DAB1: variants seen among roughly 807,000 people sequenced by gnomAD.
DAB1 encodes DAB adaptor protein 1.
In DAB1, 15 loss-of-function variants were observed where a neutral mutation model predicts 64.6. That is an observed-to-expected ratio of 0.23 (90% CI 0.16 to 0.36). The LOEUF (loss-of-function observed/expected upper bound fraction) is 0.36, where lower values mean the gene tolerates loss of function less well. Ranked by LOEUF, DAB1 falls within the 10% of genes least tolerant of loss-of-function variation. The probability of loss-of-function intolerance (pLI) is 1.00; values close to 1 mark genes in which losing one functional copy is unlikely to be tolerated. For synonymous variants in DAB1, 235 were observed against 251.9 expected (o/e 0.93, Z 0.64); for missense variants, 596 against 706.7 (o/e 0.84, Z 1.78).
intron 5 of DAB1, among the ~76,000 whole-genome samples, chr1:58,117,311 T>G (rs1337445055): frequency 6.6e-6 from 1 of 152,236 alleles, no homozygotes; most frequent in Non-Finnish European, 1.5e-5. Flanking sequence ...CATTTGTTCT[T>G]CAGGACAATA....
chr1:57,801,737 A>G (rs1651134316), intron 6 of DAB1, among the ~76,000 whole-genome samples: 1 of 152,006 alleles, frequency 6.6e-6, no homozygotes, highest in Non-Finnish European at 1.5e-5. Flanking sequence ...AGCTCACTGC[A>G]GCCTCGACTT....
At chr1:57,774,780 T>C (rs1228737786) in intron 6 of DAB1, among the ~76,000 whole-genome samples, 1 of 151,790 alleles carries the variant, frequency 6.6e-6, no homozygotes, top group Non-Finnish European at 1.5e-5. Context: ...GTATTGCTCT[T>C]TTTGTTTATT....
chr1:57,090,191 T>A (rs1189113629), intron 4 of DAB1, among the ~76,000 whole-genome samples: 1 of 152,200 alleles, frequency 6.6e-6, no homozygotes, highest in African/African-American at 2.4e-5. Context: ...CAAAGAGATG[T>A]GCTAAAAATA....
chr1:57,916,943 CAA>C (rs144859309), intron 5 of DAB1, among the ~76,000 whole-genome samples: 159 of 135,626 alleles, frequency 1.2e-3, no homozygotes, highest in Non-Finnish European at 1.5e-3. Flanking sequence ...AACTCTGTCT[CAA>C]AAAAAAAAAA....
At chr1:58,227,019 A>G (rs1349765967) in intron 4 of DAB1, among the ~76,000 whole-genome samples, 1 of 152,258 alleles carries the variant, frequency 6.6e-6, no homozygotes, top group Admixed American at 6.5e-5. Flanking sequence ...TAAGGCAGAT[A>G]TTATTATCCC....
intron 2 of DAB1, among the ~76,000 whole-genome samples, chr1:57,224,337 G>A (rs1212051719): frequency 3.3e-5 from 5 of 152,114 alleles, no homozygotes. Context: ...CACCACCTGA[G>A]TTCTGATGGA....
intron 5 of DAB1, among the ~76,000 whole-genome samples, chr1:57,949,336 T>C (rs1439896896): frequency 6.6e-6 from 1 of 152,022 alleles, no homozygotes; most frequent in Non-Finnish European, 1.5e-5. Context: ...GGAGGTGGAG[T>C]TCAGGCAGCG....
intron 2 of DAB1, among the ~76,000 whole-genome samples, chr1:57,216,907 T>C (rs1358472373): frequency 6.6e-6 from 1 of 152,222 alleles, no homozygotes; most frequent in Admixed American, 6.5e-5. Context: ...CCAGTGCTTT[T>C]TCTGACTTCC....
At chr1:57,602,508 G>A (rs922336078) in intron 7 of DAB1, among the ~76,000 whole-genome samples, 9 of 152,144 alleles carry the variant, frequency 5.9e-5, no homozygotes, top group African/African-American at 2.2e-4. Context: ...GTGAAGGAGA[G>A]TTAATGAAAG....
chr1:57,105,801 T>C (rs1655089627), intron 4 of DAB1, among the ~76,000 whole-genome samples: 1 of 152,208 alleles, frequency 6.6e-6, no homozygotes, highest in African/African-American at 2.4e-5. Context: ...TTTCCTTTTT[T>C]ATTTTCATGT....
At chr1:57,544,950 T>G (rs1037568293) in intron 7 of DAB1, among the ~76,000 whole-genome samples, 1 of 152,216 alleles carries the variant, frequency 6.6e-6, no homozygotes, top group Non-Finnish European at 1.5e-5. Context: ...TGGACAGTTC[T>G]CTATAGCAGT....
At chr1:58,259,597 C>T (rs540699538) in intron 4 of DAB1, among the ~76,000 whole-genome samples, 1 of 152,296 alleles carries the variant, frequency 6.6e-6, no homozygotes, top group South Asian at 2.1e-4. Flanking sequence ...GTGGGTCTCA[C>T]TTATCTCTGT....
At chr1:58,512,511 C>T (rs943026738) in intron 2 of DAB1, among the ~76,000 whole-genome samples, 9 of 152,030 alleles carry the variant, frequency 5.9e-5, no homozygotes, top group Admixed American at 1.3e-4. Flanking sequence ...TGTTCATCAG[C>T]GAATGAACAG....
intron 4 of DAB1, among the ~76,000 whole-genome samples, chr1:58,251,998 G>A (rs994138493): frequency 2.0e-5 from 3 of 152,148 alleles, no homozygotes; most frequent in African/African-American, 7.2e-5. Context: ...TACCCTGGGG[G>A]TCTGGGTATG....
At chr1:58,041,924 CA>C (rs1647143133) in intron 5 of DAB1, among the ~76,000 whole-genome samples, 1 of 152,226 alleles carries the variant, frequency 6.6e-6, no homozygotes, top group Non-Finnish European at 1.5e-5. Flanking sequence ...TCCCCAACAC[CA>C]ACCTCTCAGT....
intron 5 of DAB1, among the ~76,000 whole-genome samples, chr1:58,134,176 C>T (rs1251549663): frequency 2.6e-5 from 4 of 152,038 alleles, no homozygotes; most frequent in African/African-American, 7.2e-5. Flanking sequence ...CAGTTCTGAA[C>T]GTTGGGAAGT....
chr1:57,457,948 C>T (rs917277727), intron 7 of DAB1, among the ~76,000 whole-genome samples: 1 of 151,938 alleles, frequency 6.6e-6, no homozygotes, highest in Non-Finnish European at 1.5e-5. Context: ...AAAATGACAG[C>T]CAATTTGGGC....
intron 5 of DAB1, among the ~76,000 whole-genome samples, chr1:57,990,516 G>A (rs1646317240): frequency 6.6e-6 from 1 of 152,220 alleles, no homozygotes. Context: ...TGAGCTCAGA[G>A]AGGTTAATCC....
chr1:57,798,555 C>T (rs1026126544), intron 6 of DAB1, among the ~76,000 whole-genome samples: 2 of 152,198 alleles, frequency 1.3e-5, no homozygotes, highest in African/African-American at 2.4e-5. Flanking sequence ...AGGAAGTTGG[C>T]CATTTCATGT....
Sources: allele counts gnomAD v4.1 joint callset (sites outside exome capture counted in the v4.1 genomes callset), GRCh38; gene constraint gnomAD v4.1.1; transcripts MANE v1.5; gene names NCBI Gene and HGNC (gene_info 2026-07-23, HGNC 2026-07-21).